Variants in EFNA5 observed in about 807,000 individuals in gnomAD.
EFNA5 encodes ephrin A5.
In EFNA5, 5 loss-of-function variants were observed where a neutral mutation model predicts 22.9. That is an observed-to-expected ratio of 0.22 (90% CI 0.11 to 0.46). The LOEUF (loss-of-function observed/expected upper bound fraction) is 0.46. Among genes scored for constraint, EFNA5 ranks in the 20% least tolerant of loss-of-function variants. EFNA5 has a pLI of 0.99. For missense variants in EFNA5, 237 were observed against 293.3 expected, an observed-to-expected ratio of 0.81 and a Z score of 1.40; for synonymous variants, 113 against 112.2, an observed-to-expected ratio of 1.01 and a Z score of -0.04.
At chr5:107,597,954 A>G (rs1454777329) in intron 1 of EFNA5, among the ~76,000 whole-genome samples, 1 of 152,200 alleles carries the variant, frequency 6.6e-6, no homozygotes, top group African/African-American at 2.4e-5. Context: ...CTGTAAGCAC[A>G]CTAACATGGA....
chr5:107,647,280 C>T (rs1460058413), intron 1 of EFNA5, among the ~76,000 whole-genome samples: 1 of 152,116 alleles, frequency 6.6e-6, no homozygotes, highest in Non-Finnish European at 1.5e-5. Flanking sequence ...CTACTATATA[C>T]ACTTTCTTCA....
intron 1 of EFNA5, among the ~76,000 whole-genome samples, chr5:107,468,109 C>T (rs1294314251): frequency 6.6e-6 from 1 of 152,098 alleles, no homozygotes; most frequent in Non-Finnish European, 1.5e-5. Context: ...TTTTTAAAAG[C>T]AGAGTTATGC....
At chr5:107,634,556 T>C (rs1421316201) in intron 1 of EFNA5, among the ~76,000 whole-genome samples, 1 of 119,922 alleles carries the variant, frequency 8.3e-6, no homozygotes, top group Non-Finnish European at 2.0e-5. Flanking sequence ...AACTTTCATA[T>C]GTTCAAAAAC....
chr5:107,645,975 T>C (rs1451633467), intron 1 of EFNA5, among the ~76,000 whole-genome samples: 1 of 152,156 alleles, frequency 6.6e-6, no homozygotes, highest in African/African-American at 2.4e-5. Flanking sequence ...AGAGAAACAA[T>C]GGATAAGGAT....
chr5:107,548,569 G>T (rs1429805043), intron 1 of EFNA5, among the ~76,000 whole-genome samples: 1 of 152,192 alleles, frequency 6.6e-6, no homozygotes, highest in Non-Finnish European at 1.5e-5. Context: ...TTGGATTCCT[G>T]TTGTACAACG....
chr5:107,522,714 G>A (rs749114118), intron 1 of EFNA5, among the ~76,000 whole-genome samples: 76 of 152,182 alleles, frequency 5.0e-4, no homozygotes, highest in Middle Eastern at 3.4e-3. Flanking sequence ...TCTGGCCTCA[G>A]TCCAAGTACT....
chr5:107,405,858 A>AAT lies in EFNA5; in HGVS notation c.419-18089_419-18088dup, dbSNP rs541941062. On this transcript the variant is annotated intron_variant, in intron 2 of 4. Transcript: ENST00000333274. Reference sequence around the variant, plus strand: ...ATATTCTATGTATTTATATACATAGAATGTATACAAATACATATATTTGTA... The same window carrying AAT: ...ATATTCTATGTATTTATATACATAGAATATGTATACAAATACATATATTTGTA... Among the ~76,000 whole-genome samples the AAT allele has an allele frequency of 6.7e-4, 100 of 150,344 alleles. 3 individuals are homozygous for AAT. In the South Asian group the frequency reaches 0.021, roughly 31 times the overall value.
chr5:107,591,934 A>T lies in EFNA5; in HGVS notation c.125+78555T>A, dbSNP rs867877565. 5.1e-3 allele frequency among the ~76,000 whole-genome samples: 59 copies of T among 11,654 alleles called. 9 individuals carry two copies. Among genetic ancestry groups the T allele is most frequent in the African/African-American group, 0.035 (40 of 1,134 alleles). 7.6% of individuals were successfully genotyped at this position (11,654 alleles called of 152,430 possible). On this transcript the variant is annotated intron_variant, in intron 1 of 4. Transcript: ENST00000333274. ...ATAAAAAATATATATATAATATATA[A>T]TATATATATTATATATAATATATAA... is the stretch of plus-strand genomic sequence containing the variant.
chr5:107,407,875 A>G (rs756009678), intron 2 of EFNA5, among the ~76,000 whole-genome samples: 1 of 152,166 alleles, frequency 6.6e-6, no homozygotes, highest in South Asian at 2.1e-4. Context: ...CATAGTTATG[A>G]TTTATTTTTT....
chr5:107,487,458 G>A, intron 1 of EFNA5, among the ~76,000 whole-genome samples: 1 of 152,326 alleles, frequency 6.6e-6, no homozygotes, highest in South Asian at 2.1e-4. Flanking sequence ...CAAGCAGTTA[G>A]TATTTGCAGA....
intron 1 of EFNA5, among the ~76,000 whole-genome samples, chr5:107,651,514 T>C (rs1011576707): frequency 1.3e-5 from 2 of 151,752 alleles, no homozygotes; most frequent in Non-Finnish European, 2.9e-5. Flanking sequence ...CCATAGGGGG[T>C]CCTCGCAGGC....
Position 107,506,546 on chromosome 5 carries a change from G to A in EFNA5, c.126-79037C>T, listed in dbSNP as rs1747254058. 2.0e-5 allele frequency among the ~76,000 whole-genome samples: 3 copies of A among 152,154 alleles called. No individual in the cohort carries two copies. The South Asian group carries it at 6.2e-4, about 32-fold the overall frequency. ...AATCAGATGACTGGAAAAGAGGAGAGGCAATCTGGGGCCAGATGAGCAGGA... is the reference window on the plus strand; with the variant it reads ...AATCAGATGACTGGAAAAGAGGAGAAGCAATCTGGGGCCAGATGAGCAGGA... On this transcript the variant is annotated intron_variant, in intron 1 of 4. Coordinates refer to ENST00000333274, the MANE Select transcript of EFNA5 (RefSeq NM_001962.3).
At chr5:107,471,568 AT>A (rs1430391748) in intron 1 of EFNA5, among the ~76,000 whole-genome samples, 1 of 152,214 alleles carries the variant, frequency 6.6e-6, no homozygotes, top group Non-Finnish European at 1.5e-5. Context: ...TGGTCTACAA[AT>A]TCATGCTAGT....
At chr5:107,413,356 C>T (rs1189859094) in intron 2 of EFNA5, among the ~76,000 whole-genome samples, 1 of 152,048 alleles carries the variant, frequency 6.6e-6, no homozygotes, top group Admixed American at 6.6e-5. Context: ...TTAATCATAA[C>T]CAAATCATTG....
intron 1 of EFNA5, among the ~76,000 whole-genome samples, chr5:107,433,620 G>C (rs1197650879): frequency 6.6e-6 from 1 of 152,198 alleles, no homozygotes; most frequent in Admixed American, 6.5e-5. Context: ...CCCTTGCTGA[G>C]CATGGTGGCT....
intron 1 of EFNA5, among the ~76,000 whole-genome samples, chr5:107,622,929 G>A (rs935848185): frequency 1.4e-4 from 21 of 147,168 alleles, no homozygotes; most frequent in Admixed American, 8.3e-4. Context: ...GCTGAGGCAG[G>A]AGAATGGCGT....
intron 3 of EFNA5, 138 bp downstream of exon 3, chr5:107,387,568 A>G: frequency 1.4e-6 from 1 of 695,668 alleles, no homozygotes. Flanking sequence ...GATGAAAACT[A>G]AAATATGAAT....
In EFNA5 at chr5:107,581,156, C is replaced by T. The variant is rs569173266; in HGVS notation, c.125+89333G>A. The stretch of plus-strand genomic sequence containing the variant: ...TAATTCAGATCTAGTTCCCTCCTCC[C>T]CAGCATGCTCATCTGCCAAAACTGC... On this transcript the variant is annotated intron_variant, in intron 1 of 4. Coordinates refer to ENST00000333274, the MANE Select transcript of EFNA5 (RefSeq NM_001962.3). Among the ~76,000 whole-genome samples, 43 of 152,298 alleles carry T rather than the reference C, an allele frequency of 2.8e-4. 2 individuals carry two copies. In the South Asian group the frequency reaches 8.7e-3, roughly 31 times the overall value.
intron 1 of EFNA5, among the ~76,000 whole-genome samples, chr5:107,634,947 A>C (rs567832090): frequency 6.6e-6 from 1 of 152,232 alleles, no homozygotes; most frequent in African/African-American, 2.4e-5. Flanking sequence ...AAAGAAACGC[A>C]TTTAACTTAC....
Sources: gnomAD v4.1 joint callset for allele counts (sites outside exome capture counted in the v4.1 genomes callset) on GRCh38, gnomAD v4.1.1 for gene constraint, MANE v1.5 for transcripts, NCBI Gene and HGNC (gene_info 2026-07-23, HGNC 2026-07-21) for gene names.